Variants in CETP observed in about 807,000 individuals in gnomAD.
CETP encodes the protein cholesteryl ester transfer protein.
A neutral mutation model predicts 66.5 loss-of-function variants in CETP; 56 were observed. The ratio of observed to expected loss-of-function variants is 0.84; its 90% CI spans 0.68 to 1.05. The LOEUF is 1.05. CETP is among the 50% of genes least tolerant of loss of function. The probability of loss-of-function intolerance (pLI) is 0.00; values close to 1 mark genes in which losing one functional copy is unlikely to be tolerated. For synonymous variants in CETP, 251 were observed against 245.7 expected (o/e 1.02, Z -0.20); for missense variants, 612 against 609.6 (o/e 1.00, Z -0.04).
Position 56,978,218 on chromosome 16 carries a change from C to G in CETP, c.1109C>G (p.Pro370Arg). The change falls in exon 11 of 16, where the codon CCA becomes CGA. Residue 370 changes from proline to arginine, a missense_variant. Physicochemically the swap from Pro to Arg is moderately radical, Grantham distance 103. Coordinates refer to ENST00000200676, the MANE Select transcript of CETP (RefSeq NM_000078.3). ...ATGGTGAAATTCCTCTTTCCACGCC[C>G]AGACCAGCAACATTCTGTAGCTTAC... Reference protein sequence around the residue: ...SVMVKFLFPRPDQQHSVAYTF... With the variant: ...SVMVKFLFPRRDQQHSVAYTF... 2 of 1,614,216 alleles carry G rather than the reference C, an allele frequency of 1.2e-6. No individual in the cohort carries two copies. Among genetic ancestry groups the G allele is most frequent in the South Asian group, 2.2e-5 (2 of 91,086 alleles).
In CETP at chr16:56,983,598, C is replaced by T. The variant is rs757263717; in HGVS notation, c.1414C>T (p.Leu472=). The part of the protein sequence containing the change: ...NPEIITRDGF[L]LLQMDFGFPE... ...CTACTGCCCCTCCCTTCAGGGCTTC[C>T]TGCTGCTGCAGATGGACTTTGGCTT... Residue 472 remains leucine (L), a synonymous_variant, in exon 16 of 16, where the codon CTG becomes TTG. Transcript: ENST00000200676. The T allele has an allele frequency of 2.5e-6, 4 of 1,613,952 alleles. No homozygotes were observed. The African/African-American group carries it at 4.0e-5, about 16-fold the overall frequency.
In CETP at chr16:56,978,130, C is replaced by T; in HGVS notation, c.1021C>T (p.His341Tyr). ...CCCCAGCCAGGCCCAAGTCACCGTC[C>T]ACTGCCTCAAGATGCCCAAGATCTC... ...GFPSQAQVTV[H>Y]CLKMPKISCQ... Residue 341 changes from histidine (H) to tyrosine (Y), a missense_variant, in exon 11 of 16, where the codon CAC becomes TAC. Coordinates refer to ENST00000200676, the MANE Select transcript of CETP (RefSeq NM_000078.3). 1 of 1,614,236 alleles carries T rather than the reference C, an allele frequency of 6.2e-7. No individual in the cohort carries two copies. Among genetic ancestry groups the T allele is most frequent in the Non-Finnish European group, 8.5e-7 (1 of 1,180,046 alleles).
Position 56,982,101 on chromosome 16 carries a change from G to A in CETP, c.1249-64G>A, listed in dbSNP as rs368322882. ...GATGAATGCTTGTCCAGGCCGTGCA[G>A]CATCTGCCTTGTGGGTCACTTCTGT... On this transcript the variant is annotated intron_variant, in intron 13 of 15. Coordinates refer to ENST00000200676, the MANE Select transcript of CETP (RefSeq NM_000078.3). 11 of 1,447,644 alleles carry A rather than the reference G, an allele frequency of 7.6e-6. No homozygotes were observed. The African/African-American group carries it at 1.1e-4, about 15-fold the overall frequency. The allele number at this position is 1,447,644 out of a possible 1,614,324, so 89.7% of individuals were successfully genotyped here.
At chr16:56,982,643 T>C (rs1484799398) in intron 14 of CETP, among the ~76,000 whole-genome samples, 1 of 152,188 alleles carries the variant, frequency 6.6e-6, no homozygotes, top group African/African-American at 2.4e-5. Flanking sequence ...CCTTTTGACC[T>C]TGAAATGGTA....
chr16:56,981,252 C>T lies in CETP; in HGVS notation c.1214+27C>T, dbSNP rs752502557. On this transcript the variant is annotated intron_variant, in intron 12 of 15. Transcript: ENST00000200676. ...TATGTGCTGCAGAGAAGAGAGGGGG[C>T]GGTCAACTCCGCAAACCTCTCCCTG... The T allele has an allele frequency of 9.0e-6, 14 of 1,558,668 alleles. 1 individual carries two copies. Among genetic ancestry groups the T allele is most frequent in the South Asian group, 3.3e-5 (3 of 89,948 alleles).
chr16:56,976,202 G>A (rs769645756), intron 10 of CETP, among the ~76,000 whole-genome samples: 31 of 152,168 alleles, frequency 2.0e-4, no homozygotes, highest in African/African-American at 2.9e-4. Context: ...TGTAGCTCCC[G>A]GTGGGTCTCC....
At position 56,978,183 on chromosome 16, in the gene CETP, T is replaced by A. The variant is rs1012219073; in HGVS notation, c.1074T>A (p.Asn358Lys). ...GCCAAAACAAGGGAGTCGTGGTCAA[T>A]TCTTCAGTGATGGTGAAATTCCTCT... ...ISCQNKGVVV[N>K]SSVMVKFLFP... Residue 358 changes from asparagine (N) to lysine (K), a missense_variant, in exon 11 of 16, where the codon AAT becomes AAA. Asn to Lys is a moderately conservative substitution (Grantham distance 94, BLOSUM62 0). Transcript: ENST00000200676. 1 of 1,614,120 alleles carries A rather than the reference T, an allele frequency of 6.2e-7. No individual in the cohort carries two copies. The highest frequency in any genetic ancestry group is 1.3e-5 in the African/African-American group (1 of 74,936).
At chr16:56,977,648 C>T (rs2056158892) in intron 10 of CETP, among the ~76,000 whole-genome samples, 1 of 152,222 alleles carries the variant, frequency 6.6e-6, no homozygotes, top group Non-Finnish European at 1.5e-5. Flanking sequence ...CCTGCGCTCT[C>T]TGCTCTATCC....
rs7195984 is a variant in CETP at position 56,981,551 on chromosome 16, G to A, written c.1215-96G>A. On this transcript the variant is annotated intron_variant, in intron 12 of 15. Coordinates refer to ENST00000200676, the MANE Select transcript of CETP (RefSeq NM_000078.3). Reference sequence around the variant, plus strand: ...CCCAAAGGGCCTGAGCTATGAGACAGAAGCACTGGCTGCTATTCTTAGAGT... The same window carrying A: ...CCCAAAGGGCCTGAGCTATGAGACAAAAGCACTGGCTGCTATTCTTAGAGT... The A allele has an allele frequency of 0.99, 1,404,334 of 1,416,010 alleles. 697,064 individuals are homozygous for A. The highest frequency in any genetic ancestry group is 1 in the East Asian group (44,100 of 44,100). 87.7% of individuals were successfully genotyped at this position (1,416,010 alleles called of 1,614,324 possible).
intron 12 of CETP, among the ~76,000 whole-genome samples, 163 bp from the exon 13 acceptor site, chr16:56,981,484 G>A (rs551726268): frequency 6.6e-6 from 1 of 152,346 alleles, no homozygotes; most frequent in East Asian, 1.9e-4. Context: ...CTGGCCGCCA[G>A]AATAGCAAAT....
intron 11 of CETP, among the ~76,000 whole-genome samples, chr16:56,978,670 G>C (rs1286483485): frequency 6.6e-6 from 1 of 151,896 alleles, no homozygotes; most frequent in Non-Finnish European, 1.5e-5. Context: ...AATTTCCTTA[G>C]AGGCGGGGTC....
chr16:56,977,034 G>A (rs765588649), intron 10 of CETP, among the ~76,000 whole-genome samples: 10 of 152,040 alleles, frequency 6.6e-5, no homozygotes, highest in Non-Finnish European at 1.3e-4. Flanking sequence ...TCAGCCTCCC[G>A]ATTGGCTGGG....
chr16:56,964,605 C>T (rs2056052317), intron 2 of CETP, among the ~76,000 whole-genome samples: 1 of 152,206 alleles, frequency 6.6e-6, no homozygotes, highest in African/African-American at 2.4e-5. Flanking sequence ...AAGCCAATCT[C>T]CTCCTCCTCC....
In CETP at chr16:56,980,728, C is replaced by T. The variant is rs562924383; in HGVS notation, c.1147-430C>T. Reference sequence around the variant, plus strand: ...CACATGGTCAGGAGTTCAAGACCAGCCTGGCCAATATGATGAAACCCCATC... The same window carrying T: ...CACATGGTCAGGAGTTCAAGACCAGTCTGGCCAATATGATGAAACCCCATC... On this transcript the variant is annotated intron_variant, in intron 11 of 15. Coordinates refer to ENST00000200676, the MANE Select transcript of CETP (RefSeq NM_000078.3). Among the ~76,000 whole-genome samples, 706 of 152,170 alleles carry T rather than the reference C, an allele frequency of 4.6e-3. 7 individuals carry two copies. Among genetic ancestry groups the T allele is most frequent in the Middle Eastern group, 0.014 (4 of 294 alleles).
chr16:56,971,219 C>T (rs2141998543), intron 6 of CETP, 102 bp from the exon 7 acceptor site: 1 of 1,509,174 alleles, frequency 6.6e-7, no homozygotes, highest in South Asian at 1.1e-5. Flanking sequence ...GTGGCCAGTC[C>T]CCTGTGCCGG....
In CETP at chr16:56,969,412, CCAG is replaced by C; in HGVS notation, c.265_267del (p.Ser89del). On this transcript the variant is annotated inframe_deletion, in exon 3 of 16. Coordinates refer to ENST00000200676, the MANE Select transcript of CETP (RefSeq NM_000078.3). ...ATCCAGATCAGCCACTTGTCCATCG[CCAG>C]CAGCCAGGTGGAGCTGGTGGAAGCC... The C allele has an allele frequency of 6.2e-7, 1 of 1,614,126 alleles. No homozygotes were observed. Among genetic ancestry groups the C allele is most frequent in the Non-Finnish European group, 8.5e-7 (1 of 1,180,042 alleles).
chr16:56,976,248 C>T (rs982288760), intron 10 of CETP, among the ~76,000 whole-genome samples: 12 of 152,208 alleles, frequency 7.9e-5, no homozygotes, highest in African/African-American at 2.7e-4. Context: ...CTGTTCCCCA[C>T]AGCAGCCAGA....
At chr16:56,982,537 T>G (rs1207472547) in intron 14 of CETP, among the ~76,000 whole-genome samples, 2 of 152,218 alleles carry the variant, frequency 1.3e-5, no homozygotes, top group Non-Finnish European at 2.9e-5. Flanking sequence ...GAAAGACCCC[T>G]GGGCTGGGAG....
At chr16:56,975,365 G>A (rs2056142524) in intron 10 of CETP, among the ~76,000 whole-genome samples, 1 of 152,226 alleles carries the variant, frequency 6.6e-6, no homozygotes, top group African/African-American at 2.4e-5. Flanking sequence ...CGGTCAAACT[G>A]TCCCCATTTT....
Sources: allele counts gnomAD v4.1 joint callset (sites outside exome capture counted in the v4.1 genomes callset), GRCh38; gene constraint gnomAD v4.1.1; transcripts MANE v1.5; gene names NCBI Gene and HGNC (gene_info 2026-07-23, HGNC 2026-07-21).